Variants in ALS2 observed in about 807,000 individuals in gnomAD.
ALS2 encodes the protein alsin Rho guanine nucleotide exchange factor ALS2.
In ALS2, 117 loss-of-function variants were observed where a neutral mutation model predicts 203.4. The observed-to-expected ratio is 0.58, with a 90% CI of 0.50 to 0.67. The LOEUF is 0.67. Among genes scored for constraint, ALS2 ranks in the 30% least tolerant of loss-of-function variants. ALS2 has a pLI of 0.00. For missense variants in ALS2, 1,715 were observed against 1,989.4 expected, an observed-to-expected ratio of 0.86 and a Z score of 2.62; for synonymous variants, 718 against 725.9, an observed-to-expected ratio of 0.99 and a Z score of 0.17.
intron 1 of ALS2, among the ~76,000 whole-genome samples, chr2:201,775,150 A>T (rs1694595900): frequency 6.6e-6 from 1 of 152,244 alleles, no homozygotes; most frequent in Admixed American, 6.5e-5. Flanking sequence ...AATAAAAATA[A>T]TAGGTGAGTA....
At position 201,761,351 on chromosome 2, in the gene ALS2, C is replaced by A; in HGVS notation, c.643G>T (p.Ala215Ser). ...QVACGAFHSL[A>S]LVQCLPSQDL... ...TGGGAAGGGAGGCATTGTACAAGGG[C>A]TAAGCTGTGGAAAGCACCACAGGCA... The change falls in exon 4 of 34, where the codon GCC (alanine) becomes TCC (serine). Residue 215 changes from alanine to serine, a missense_variant. Ala to Ser is a moderately conservative substitution (Grantham distance 99, BLOSUM62 1). Coordinates refer to ENST00000264276, the MANE Select transcript of ALS2 (RefSeq NM_020919.4). The A allele has an allele frequency of 6.2e-7, 1 of 1,614,078 alleles. No individual in the cohort carries two copies. Among genetic ancestry groups the A allele is most frequent in the Non-Finnish European group, 8.5e-7 (1 of 1,179,986 alleles).
At position 201,707,854 on chromosome 2, in the gene ALS2, C is replaced by T. The variant is rs1308202141; in HGVS notation, c.4403+15G>A. 1.2e-6 allele frequency: 2 copies of T among 1,612,170 alleles called. No individual in the cohort carries two copies. The highest frequency in any genetic ancestry group is 2.2e-5 in the South Asian group (2 of 91,000). On this transcript the variant is annotated intron_variant, in intron 28 of 33. Coordinates refer to ENST00000264276, the MANE Select transcript of ALS2 (RefSeq NM_020919.4). The stretch of plus-strand genomic sequence containing the variant: ...CCATTCCCTTTCTTCACTGTCCCCA[C>T]CCAACTCCATTTACCCTGGCTCTGG...
At chr2:201,757,855 A>T in intron 4 of ALS2, 96 bp from the exon 5 acceptor site, 1 of 963,022 alleles carries the variant, frequency 1.0e-6, no homozygotes. Context: ...CGCTATTTGC[A>T]TGTAAGAATC....
intron 19 of ALS2, among the ~76,000 whole-genome samples, chr2:201,725,718 C>T (rs1691122076): frequency 6.6e-6 from 1 of 152,178 alleles, no homozygotes; most frequent in Non-Finnish European, 1.5e-5. Flanking sequence ...TGTCCTTCAC[C>T]TATCTCTGTC....
At chr2:201,776,910 T>C (rs1273941463) in intron 1 of ALS2, among the ~76,000 whole-genome samples, 1 of 152,236 alleles carries the variant, frequency 6.6e-6, no homozygotes, top group African/African-American at 2.4e-5. Flanking sequence ...GATCAGCTAC[T>C]AAACGTATTA....
intron 23 of ALS2, chr2:201,722,102 T>C (rs1171743825): frequency 1.3e-5 from 2 of 152,160 alleles, no homozygotes; most frequent in Non-Finnish European, 2.9e-5. Context: ...ACAAATCATA[T>C]CTGATAAAGG....
At chr2:201,707,585 A>G (rs1367060748) in intron 28 of ALS2, among the ~76,000 whole-genome samples, 1 of 151,918 alleles carries the variant, frequency 6.6e-6, no homozygotes, top group Admixed American at 6.6e-5. Context: ...GTGTGCCACC[A>G]TGCCCTGCTA....
intron 1 of ALS2, among the ~76,000 whole-genome samples, chr2:201,777,406 CCA>C (rs1244584148): frequency 1.3e-5 from 2 of 152,024 alleles, no homozygotes; most frequent in African/African-American, 2.4e-5. Flanking sequence ...AGTTCTTTTT[CCA>C]CAGTCTCCTA....
chr2:201,728,512 C>G lies in ALS2; in HGVS notation c.2841G>C (p.Gln947His). The change falls in exon 15 of 34, where the codon CAG becomes CAC. Residue 947 changes from glutamine (Q) to histidine (H), a missense_variant and splice_region_variant. Coordinates refer to ENST00000264276, the MANE Select transcript of ALS2 (RefSeq NM_020919.4). ...ILFNDALVHA[Q>H]FSTHHVFPLA... Reference sequence around the variant, plus strand: ...TTTTAAGGTTAGGAATCCAGCCTACCTGGGCATGGACCAGGGCATCATTAA... The same window carrying G: ...TTTTAAGGTTAGGAATCCAGCCTACGTGGGCATGGACCAGGGCATCATTAA... 1.2e-6 allele frequency: 2 copies of G among 1,614,104 alleles called. No homozygotes were observed. Among genetic ancestry groups the G allele is most frequent in the East Asian group, 4.5e-5 (2 of 44,878 alleles).
In ALS2 at chr2:201,723,074, T is replaced by C. The variant is rs1265938544; in HGVS notation, c.3671A>G (p.Glu1224Gly). Residue 1224 changes from glutamate (E) to glycine (G), a missense_variant, in exon 23 of 34, where the codon GAA becomes GGA. Coordinates refer to ENST00000264276, the MANE Select transcript of ALS2 (RefSeq NM_020919.4). Reference sequence around the variant, plus strand: ...ACTAAGAGTCCAGTCATCTGAAAATTCTCCTTCATAGATAGTATCATCTTC... The same window carrying C: ...ACTAAGAGTCCAGTCATCTGAAAATCCTCCTTCATAGATAGTATCATCTTC... ...LSEDDTIYEG[E>G]FSDDWTLSGK... 1.2e-6 allele frequency: 2 copies of C among 1,613,336 alleles called. No homozygotes were observed. The highest frequency in any genetic ancestry group is 2.2e-5 in the East Asian group (1 of 44,850).
chr2:201,757,931 CATTAAATGGAA>C (rs1693500897), intron 4 of ALS2, among the ~76,000 whole-genome samples, 172 bp from the exon 5 acceptor site: 2 of 152,184 alleles, frequency 1.3e-5, no homozygotes, highest in Admixed American at 1.3e-4. Flanking sequence ...GGAGTTAACA[CATTAAATGGAA>C]ATGAGTACTC....
At position 201,707,142 on chromosome 2, in the gene ALS2, TATA is replaced by T. The variant is rs1430323274; in HGVS notation, c.4404-123_4404-121del. On this transcript the variant is annotated intron_variant, in intron 28 of 33. Coordinates refer to ENST00000264276, the MANE Select transcript of ALS2 (RefSeq NM_020919.4). Reference sequence around the variant, plus strand: ...TAGAGATGGGAAGTTTTAAAGAAGTTATAATATTACTCTGCTCTTTACATATGG... The same window carrying T: ...TAGAGATGGGAAGTTTTAAAGAAGTTATATTACTCTGCTCTTTACATATGG... 7.8e-5 allele frequency: 68 copies of T among 874,970 alleles called. 1 individual carries two copies. In the Middle Eastern group the frequency reaches 3.4e-3, roughly 44 times the overall value. The allele number at this position is 874,970 out of a possible 1,614,324, so 54.2% of individuals were successfully genotyped here.
At chr2:201,705,329 T>C in intron 30 of ALS2, 87 bp downstream of exon 30, 2 of 1,501,340 alleles carry the variant, frequency 1.3e-6, no homozygotes, top group Non-Finnish European at 1.9e-6. Context: ...TACTGTTCTA[T>C]CAAAGTAAAA....
At chr2:201,741,954 T>C (rs1173901276) in intron 10 of ALS2, 100 bp from the exon 11 acceptor site, 2 of 1,086,688 alleles carry the variant, frequency 1.8e-6, no homozygotes, top group African/African-American at 3.1e-5. Context: ...CTACTTAACC[T>C]GTTGCCATGT....
At chr2:201,772,809 T>C (rs1278354610) in intron 1 of ALS2, among the ~76,000 whole-genome samples, 1 of 151,722 alleles carries the variant, frequency 6.6e-6, no homozygotes, top group South Asian at 2.1e-4. Context: ...CACTGGGGAG[T>C]TGCATTGCTT....
rs371935904 is a variant in ALS2, at chr2:201,704,702, C to T, written c.4689-99G>A. On this transcript the variant is annotated intron_variant, in intron 31 of 33. Transcript: ENST00000264276. ...AATATTCCCTCCTGGGATTCACATG[C>T]CTTAACCCGGACACTTAGGCATTAT... The T allele has an allele frequency of 2.1e-4, 285 of 1,366,012 alleles. 1 individual carries two copies. In the Middle Eastern group the frequency reaches 3.9e-3, roughly 18 times the overall value. The allele number at this position is 1,366,012 out of a possible 1,614,324, so 84.6% of individuals were successfully genotyped here. A position where few individuals can be genotyped will look rare whatever the true frequency, so the allele number is the denominator to read the frequency against.
In ALS2 at chr2:201,718,185, T is replaced by C; in HGVS notation, c.3728A>G (p.Asp1243Gly). The C allele has an allele frequency of 2.5e-6, 4 of 1,613,556 alleles. No individual in the cohort carries two copies. Among genetic ancestry groups the C allele is most frequent in the Non-Finnish European group, 3.4e-6 (4 of 1,179,538 alleles). The change falls in exon 24 of 34, where the codon GAC becomes GGC. Residue 1243 changes from aspartate (D) to glycine (G), a missense_variant. By Grantham distance (94) the Asp-to-Gly change is moderately conservative. This residue lies in a region of ALS2 where 1,227 missense variants were observed against 1,413.5 expected (regional missense o/e 0.87). Transcript: ENST00000264276. The part of the protein sequence containing the change: ...GKGTLTMPNG[D>G]YIEGYFSGEW... The stretch of plus-strand genomic sequence containing the variant: ...TCCACTAAAATAACCTTCAATGTAG[T>C]CTCCATTTGGCATAGTCAGTGTTCC...
At chr2:201,769,506 A>G (rs538937830) in intron 1 of ALS2, among the ~76,000 whole-genome samples, 6 of 152,358 alleles carry the variant, frequency 3.9e-5, no homozygotes, top group Admixed American at 1.3e-4. Flanking sequence ...TCAGACCAAC[A>G]TGCCTCATAA....
Position 201,706,947 on chromosome 2 carries a change from A to G in ALS2, c.4479T>C (p.Tyr1493=), listed in dbSNP as rs1337248135. Residue 1493 remains tyrosine, a synonymous_variant, in exon 29 of 34, where the codon TAT becomes TAC. Coordinates refer to ENST00000264276, the MANE Select transcript of ALS2 (RefSeq NM_020919.4). Reference sequence around the variant, plus strand: ...CTTCCTCGCGATCATTATCCAAAGCATAAAGCATAAACAGCGGTGGGTAGA... The same window carrying G: ...CTTCCTCGCGATCATTATCCAAAGCGTAAAGCATAAACAGCGGTGGGTAGA... ...PRLYPPLFML[Y]ALDNDREEDI... is the part of the protein sequence containing the mutation. 1 of 1,614,146 alleles carries G rather than the reference A, an allele frequency of 6.2e-7. No homozygotes were observed.
Sources: allele counts gnomAD v4.1 joint callset (sites outside exome capture counted in the v4.1 genomes callset), GRCh38; gene constraint gnomAD v4.1.1; regional missense constraint gnomAD v4.1.1; transcripts MANE v1.5; gene names NCBI Gene and HGNC (gene_info 2026-07-23, HGNC 2026-07-21).